Variants in ERC2 observed in about 807,000 individuals in gnomAD.
ERC2 encodes the protein ERC protein 2.
Under a neutral mutation model 114.8 loss-of-function variants are expected in ERC2, and 42 were observed. The ratio of observed to expected loss-of-function variants is 0.37; its 90% CI spans 0.29 to 0.47. ERC2 has a LOEUF of 0.47. ERC2 is among the 20% of genes least tolerant of loss of function. ERC2 has a pLI of 0.99. For synonymous variants in ERC2, 454 were observed against 425.5 expected (o/e 1.07, Z -0.82); for missense variants, 939 against 1,150.7 (o/e 0.82, Z 2.66).
chr3:55,766,419 C>T (rs900015074), intron 14 of ERC2, among the ~76,000 whole-genome samples: 19 of 152,040 alleles, frequency 1.2e-4, no homozygotes, highest in African/African-American at 2.4e-4. Flanking sequence ...AGTACAATGG[C>T]GCAATCTCAG....
intron 15 of ERC2, among the ~76,000 whole-genome samples, chr3:55,702,084 C>T (rs1437284095): frequency 6.6e-6 from 1 of 152,168 alleles, no homozygotes; most frequent in Non-Finnish European, 1.5e-5. Flanking sequence ...CTAAAGTTCC[C>T]TACCTTTGAA....
At chr3:55,774,941 G>A (rs2068484513) in intron 14 of ERC2, among the ~76,000 whole-genome samples, 1 of 152,120 alleles carries the variant, frequency 6.6e-6, no homozygotes. Context: ...ACTTTAAATT[G>A]TTACAGTTCA....
chr3:55,540,636 T>G (rs868837736), intron 17 of ERC2, among the ~76,000 whole-genome samples: 1 of 152,140 alleles, frequency 6.6e-6, no homozygotes, highest in Non-Finnish European at 1.5e-5. Context: ...ACCAGAGTAT[T>G]TTGGAGGCCC....
At chr3:55,678,843 C>A (rs1158479026) in intron 17 of ERC2, among the ~76,000 whole-genome samples, 1 of 152,172 alleles carries the variant, frequency 6.6e-6, no homozygotes, top group East Asian at 1.9e-4. Context: ...GAGGCATTCT[C>A]AATTTTGTCC....
At chr3:55,537,400 C>T (rs952402018) in intron 17 of ERC2, among the ~76,000 whole-genome samples, 6 of 152,306 alleles carry the variant, frequency 3.9e-5, no homozygotes, top group South Asian at 2.1e-4. Flanking sequence ...TGAGACTTAA[C>T]GAAGTCTGGT....
intron 17 of ERC2, chr3:55,612,658 T>C (rs1462947048): frequency 6.6e-6 from 1 of 152,224 alleles, no homozygotes; most frequent in Non-Finnish European, 1.5e-5. Context: ...TAAGCAACAG[T>C]TGGCATAAAG....
chr3:55,820,617 T>C (rs2060085914), intron 14 of ERC2, among the ~76,000 whole-genome samples: 1 of 152,108 alleles, frequency 6.6e-6, no homozygotes, highest in Non-Finnish European at 1.5e-5. Flanking sequence ...TTAAAGAAGA[T>C]AAATTGAGGC....
intron 2 of ERC2, among the ~76,000 whole-genome samples, chr3:56,377,632 A>AG (rs1560704786): frequency 6.6e-6 from 1 of 152,100 alleles, no homozygotes; most frequent in Admixed American, 6.5e-5. Flanking sequence ...AGGCCCCCCA[A>AG]AAAAGATAAC....
intron 4 of ERC2, among the ~76,000 whole-genome samples, chr3:56,151,429 T>C (rs2081406649): frequency 6.6e-6 from 1 of 152,072 alleles, no homozygotes; most frequent in Non-Finnish European, 1.5e-5. Context: ...TCTCACATCA[T>C]GAGCACAGGG....
rs528347281 is a variant in ERC2 at position 55,625,155 on chromosome 3, G to A, written c.*39+58639C>T. ...GGCCGAGGTAGGCGGATCACTTGAG[G>A]TCAGGAGTTCGAGATCAGCCTGGCA... On this transcript the variant is annotated intron_variant, in intron 17 of 17. Coordinates refer to ENST00000288221, the MANE Select transcript of ERC2 (RefSeq NM_015576.3). Among the ~76,000 whole-genome samples, 3 of 151,598 alleles carry A rather than the reference G, an allele frequency of 2.0e-5. No homozygotes were observed. The South Asian group carries it at 6.3e-4, about 32-fold the overall frequency.
chr3:55,766,228 G>GC (rs1329844758), intron 14 of ERC2, among the ~76,000 whole-genome samples: 1 of 145,904 alleles, frequency 6.9e-6, no homozygotes, highest in Admixed American at 6.9e-5. Flanking sequence ...GGGGGCATCT[G>GC]CCCCCATTTA....
chr3:56,239,306 C>T (rs1238488537), intron 3 of ERC2, among the ~76,000 whole-genome samples: 4 of 151,996 alleles, frequency 2.6e-5, no homozygotes, highest in African/African-American at 4.8e-5. Flanking sequence ...TGCCTGAGCT[C>T]AGGAGTTTGC....
chr3:55,591,943 A>C (rs2107608329), intron 17 of ERC2, among the ~76,000 whole-genome samples: 1 of 152,342 alleles, frequency 6.6e-6, no homozygotes, highest in Admixed American at 6.5e-5. Flanking sequence ...ATAGCTTCTG[A>C]AGAAAAGCTA....
At chr3:55,943,186 CTG>C (rs1380026251) in intron 13 of ERC2, among the ~76,000 whole-genome samples, 35 of 152,300 alleles carry the variant, frequency 2.3e-4, no homozygotes, top group Non-Finnish European at 4.0e-4. Flanking sequence ...TACACAAGTC[CTG>C]TGTGTGAGTT....
chr3:55,738,761 C>T (rs529004437), intron 14 of ERC2, among the ~76,000 whole-genome samples: 1 of 152,222 alleles, frequency 6.6e-6, no homozygotes, highest in African/African-American at 2.4e-5. Flanking sequence ...AAAAAACAAT[C>T]ATTTTTTAAA....
At chr3:55,641,551 A>AAAAG (rs2060186606) in intron 17 of ERC2, among the ~76,000 whole-genome samples, 1 of 53,810 alleles carries the variant, frequency 1.9e-5, no homozygotes, top group African/African-American at 7.1e-5. Context: ...TTCTATCTCA[A>AAAAG]AAAAAAAAAA....
chr3:55,709,249 C>A (rs541931911), intron 15 of ERC2, among the ~76,000 whole-genome samples: 1 of 151,738 alleles, frequency 6.6e-6, no homozygotes, highest in Non-Finnish European at 1.5e-5. Context: ...CGAAAGAGGC[C>A]GTGAGAGTCT....
chr3:56,132,873 T>C (rs1010703175), intron 6 of ERC2, among the ~76,000 whole-genome samples: 4 of 152,196 alleles, frequency 2.6e-5, no homozygotes, highest in Admixed American at 6.5e-5. Context: ...AAACTAAATA[T>C]TATATGATAA....
intron 15 of ERC2, among the ~76,000 whole-genome samples, chr3:55,719,975 C>T (rs1366696628): frequency 2.2e-5 from 3 of 136,350 alleles, no homozygotes; most frequent in Non-Finnish European, 3.2e-5. Context: ...TCTCTCCCTC[C>T]CTCTCTCCCT....
Sources: allele counts gnomAD v4.1 joint callset (sites outside exome capture counted in the v4.1 genomes callset), GRCh38; gene constraint gnomAD v4.1.1; transcripts MANE v1.5; gene names NCBI Gene and HGNC (gene_info 2026-07-23, HGNC 2026-07-21).